CFAP299: variants seen among roughly 807,000 people sequenced by gnomAD.
CFAP299 encodes the protein cilia and flagella associated protein 299.
CFAP299 carries 21 observed loss-of-function variants against 27.0 expected under a neutral mutation model. The ratio of observed to expected loss-of-function variants is 0.78; its 90% CI spans 0.55 to 1.12. The LOEUF is 1.12. Ranked by LOEUF, CFAP299 falls within the 50% of genes most tolerant of loss-of-function variation. CFAP299 has a pLI of 0.00. For missense variants in CFAP299, 310 were observed against 276.6 expected (o/e 1.12, Z -0.86); for synonymous variants, 104 against 98.1 (o/e 1.06, Z -0.36).
At position 80,387,915 on chromosome 4, in the gene CFAP299, C is replaced by G. The variant is rs6811392; in HGVS notation, c.242+25031C>G. ...CCACGGTGCCCCCGGTGGCACTGGT[C>G]ATGGGGCAGCAGGGTTTGGTCCTTT... On this transcript the variant is annotated intron_variant, in intron 2 of 5. Transcript: ENST00000358105. The G allele has an allele frequency of 4.8e-3, 4,143 of 869,010 alleles. 104 individuals are homozygous for G. In the African/African-American group the frequency reaches 0.058, roughly 12 times the overall value. 53.8% of individuals were successfully genotyped at this position (869,010 alleles called of 1,614,324 possible). A position where few individuals can be genotyped will look rare whatever the true frequency, so the allele number is the denominator to read the frequency against.
At chr4:80,717,917 A>G (rs1410892767) in intron 3 of CFAP299, among the ~76,000 whole-genome samples, 4 of 152,136 alleles carry the variant, frequency 2.6e-5, no homozygotes, top group Non-Finnish European at 4.4e-5. Context: ...TGGTGACTGT[A>G]ATTTTACAAT....
chr4:80,862,658 G>A (rs1466281072), intron 3 of CFAP299, among the ~76,000 whole-genome samples: 1 of 152,100 alleles, frequency 6.6e-6, no homozygotes, highest in African/African-American at 2.4e-5. Flanking sequence ...TCTTGAGTCT[G>A]GACTGGCCTG....
At chr4:80,729,993 A>T (rs1474497719) in intron 3 of CFAP299, among the ~76,000 whole-genome samples, 1 of 151,982 alleles carries the variant, frequency 6.6e-6, no homozygotes, top group Non-Finnish European at 1.5e-5. Context: ...CAGAGATAAA[A>T]ATTTAGAGGT....
At chr4:80,752,311 A>G (rs977214862) in intron 3 of CFAP299, among the ~76,000 whole-genome samples, 1 of 151,434 alleles carries the variant, frequency 6.6e-6, no homozygotes, top group Non-Finnish European at 1.5e-5. Context: ...CCTCTTCCTG[A>G]GTGCCACGGA....
intron 3 of CFAP299, among the ~76,000 whole-genome samples, chr4:80,610,728 T>C (rs1737923523): frequency 6.6e-6 from 1 of 152,088 alleles, no homozygotes; most frequent in Non-Finnish European, 1.5e-5. Flanking sequence ...CCTTTCTAGA[T>C]GCAAACCCAT....
intron 3 of CFAP299, among the ~76,000 whole-genome samples, chr4:80,585,228 A>G (rs993503224): frequency 2.6e-5 from 4 of 152,140 alleles, no homozygotes; most frequent in African/African-American, 9.7e-5. Flanking sequence ...GGAGATAGAT[A>G]GATGGTACTG....
intron 3 of CFAP299, among the ~76,000 whole-genome samples, chr4:80,729,744 C>T (rs531517367): frequency 6.6e-5 from 10 of 151,778 alleles, no homozygotes; most frequent in African/African-American, 1.7e-4. Flanking sequence ...GGACTACAGG[C>T]GCCTGCCACC....
At chr4:80,881,201 C>A (rs1733687104) in intron 4 of CFAP299, among the ~76,000 whole-genome samples, 1 of 152,140 alleles carries the variant, frequency 6.6e-6, no homozygotes, top group Non-Finnish European at 1.5e-5. Context: ...GAAGGACTGG[C>A]AGAGCCCAGT....
chr4:80,870,416 A>ATAC, intron 4 of CFAP299: 1 of 1,065,604 alleles, frequency 9.4e-7, no homozygotes, highest in South Asian at 3.7e-5. Context: ...TAACCTCATG[A>ATAC]GGCTTTTGCA....
At chr4:80,512,221 A>AGTGTGTGTGTGT (rs3037370) in intron 2 of CFAP299, among the ~76,000 whole-genome samples, 32 of 148,494 alleles carry the variant, frequency 2.2e-4, no homozygotes, top group African/African-American at 7.2e-4. Flanking sequence ...CATATTACAT[A>AGTGTGTGTGTGT]GTGTGTGTGT....
At chr4:80,350,228 A>G (rs1341901864) in intron 1 of CFAP299, among the ~76,000 whole-genome samples, 1 of 152,186 alleles carries the variant, frequency 6.6e-6, no homozygotes, top group Non-Finnish European at 1.5e-5. Flanking sequence ...TCCAAATTTT[A>G]TGAAAAGTAC....
In CFAP299 at chr4:80,644,422, A is replaced by T. The variant is rs1739884758; in HGVS notation, c.333+61239A>T. Among the ~76,000 whole-genome samples the T allele has an allele frequency of 3.9e-5, 6 of 152,080 alleles. 1 individual carries two copies. In the South Asian group the frequency reaches 1.2e-3, roughly 32 times the overall value. ...GACTAAAAATCAAAAACATCTAGAG[A>T]CTCTGAAACACTCAATATGTATTTG... On this transcript the variant is annotated intron_variant, in intron 3 of 5. Transcript: ENST00000358105.
chr4:80,753,821 C>G (rs954246973), intron 3 of CFAP299, among the ~76,000 whole-genome samples: 1 of 152,020 alleles, frequency 6.6e-6, no homozygotes, highest in African/African-American at 2.4e-5. Context: ...TTTGTTTGTT[C>G]GTTTTAGTTT....
chr4:80,409,370 T>C (rs1726597066), intron 2 of CFAP299, among the ~76,000 whole-genome samples: 1 of 152,146 alleles, frequency 6.6e-6, no homozygotes. Flanking sequence ...AAATTAAAAT[T>C]ATAGAATTCA....
intron 4 of CFAP299, among the ~76,000 whole-genome samples, chr4:80,889,867 CA>C (rs1004354444): frequency 3.9e-5 from 6 of 151,968 alleles, no homozygotes; most frequent in South Asian, 2.1e-4. Context: ...GAATGAAGGA[CA>C]AAAAACATAT....
chr4:80,959,608 GCA>G (rs1179736832), intron 5 of CFAP299, among the ~76,000 whole-genome samples: 1 of 151,960 alleles, frequency 6.6e-6, no homozygotes, highest in Non-Finnish European at 1.5e-5. Context: ...GTAAGGCTGA[GCA>G]TCTCTTCTGA....
At chr4:80,556,605 C>T (rs1404987737) in intron 2 of CFAP299, among the ~76,000 whole-genome samples, 2 of 151,930 alleles carry the variant, frequency 1.3e-5, no homozygotes. Flanking sequence ...ATATGTCTCT[C>T]TTGGATTTCA....
intron 2 of CFAP299, among the ~76,000 whole-genome samples, chr4:80,439,692 G>C (rs991759190): frequency 2.6e-5 from 4 of 152,166 alleles, no homozygotes; most frequent in African/African-American, 9.7e-5. Flanking sequence ...CAGTGAGACA[G>C]AACCATTCAT....
intron 3 of CFAP299, among the ~76,000 whole-genome samples, chr4:80,651,336 TCTC>T (rs1182161893): frequency 3.3e-5 from 5 of 149,912 alleles, no homozygotes; most frequent in African/African-American, 9.8e-5. Context: ...CTCTTCTTCT[TCTC>T]CTTCCTTCTT....
Sources: allele counts gnomAD v4.1 joint callset (sites outside exome capture counted in the v4.1 genomes callset), GRCh38; gene constraint gnomAD v4.1.1; transcripts MANE v1.5; gene names NCBI Gene and HGNC (gene_info 2026-07-23, HGNC 2026-07-21).